Variants in STARD13 observed in about 807,000 individuals in gnomAD.
STARD13 encodes the protein stAR-related lipid transfer protein 13.
In STARD13, 62 loss-of-function variants were observed where a neutral mutation model predicts 106.4. That is an observed-to-expected ratio of 0.58 (90% confidence interval 0.48 to 0.72). The LOEUF is 0.72. Among genes scored for constraint, STARD13 ranks in the 30% least tolerant of loss-of-function variants. The pLI, the probability that STARD13 is intolerant of heterozygous loss-of-function variation, is 0.00. For missense variants in STARD13, 1,387 were observed against 1,424.0 expected (o/e 0.97, Z 0.42); for synonymous variants, 565 against 553.0 (o/e 1.02, Z -0.31).
At chr13:33,186,230 C>A (rs1885756277) in intron 1 of STARD13, among the ~76,000 whole-genome samples, 1 of 152,100 alleles carries the variant, frequency 6.6e-6, no homozygotes, top group African/African-American at 2.4e-5. Flanking sequence ...AAAATAAAGT[C>A]CCAGAGAAAA....
intron 7 of STARD13, among the ~76,000 whole-genome samples, chr13:33,125,459 T>C (rs533923772): frequency 2.4e-4 from 37 of 152,226 alleles, no homozygotes; most frequent in Middle Eastern, 3.4e-3. Flanking sequence ...TCCACCATTA[T>C]GGTGGGCCCC....
At chr13:33,367,452 G>A in the STARD13 span, among the ~76,000 whole-genome samples, 1 of 151,764 alleles carries the variant, frequency 6.6e-6, no homozygotes. Flanking sequence ...CTGCAGTAAG[G>A]AGAAAAAAGA....
intron 1 of STARD13, among the ~76,000 whole-genome samples, chr13:33,188,463 T>C (rs1378648923): frequency 6.6e-6 from 1 of 152,108 alleles, no homozygotes; most frequent in East Asian, 1.9e-4. Flanking sequence ...AAATTTCTGG[T>C]TATGATCTGC....
intron 1 of STARD13, among the ~76,000 whole-genome samples, chr13:33,220,967 T>C (rs1888325090): frequency 6.6e-6 from 1 of 152,184 alleles, no homozygotes; most frequent in Non-Finnish European, 1.5e-5. Flanking sequence ...GAGTTCACAA[T>C]AGTCCTTACA....
intron 3 of STARD13, among the ~76,000 whole-genome samples, chr13:33,145,547 T>C (rs1297432715): frequency 6.6e-6 from 1 of 152,150 alleles, no homozygotes; most frequent in Non-Finnish European, 1.5e-5. Context: ...TTTTTTTTGC[T>C]GTAAAAAGAT....
chr13:33,264,171 C>T (rs571572759), intron 1 of STARD13, among the ~76,000 whole-genome samples: 1 of 152,332 alleles, frequency 6.6e-6, no homozygotes, highest in Admixed American at 6.5e-5. Flanking sequence ...GGAGCCCAGT[C>T]ACTGAGCCAG....
At chr13:33,538,959 C>A in the STARD13 span, among the ~76,000 whole-genome samples, 1 of 151,980 alleles carries the variant, frequency 6.6e-6, no homozygotes, top group African/African-American at 2.4e-5. Context: ...TTAGTAGAGA[C>A]GGGGTTTCAC....
chr13:33,470,915 G>T, the STARD13 span, among the ~76,000 whole-genome samples: 4 of 152,144 alleles, frequency 2.6e-5, no homozygotes, highest in Admixed American at 6.5e-5. Flanking sequence ...GTGTGCAGAA[G>T]CTCTTTAGTT....
intron 1 of STARD13, among the ~76,000 whole-genome samples, chr13:33,214,519 C>T (rs547141280): frequency 4.6e-5 from 7 of 152,270 alleles, no homozygotes; most frequent in Non-Finnish European, 1.0e-4. Flanking sequence ...TACTATAATG[C>T]TCCCAGTAAT....
the STARD13 span, among the ~76,000 whole-genome samples, chr13:33,584,171 G>A: frequency 6.6e-6 from 1 of 152,116 alleles, no homozygotes; most frequent in African/African-American, 2.4e-5. Flanking sequence ...GTAGCCCTCT[G>A]TATTAGTTCA....
At chr13:33,583,200 G>T in the STARD13 span, among the ~76,000 whole-genome samples, 1 of 152,212 alleles carries the variant, frequency 6.6e-6, no homozygotes, top group Non-Finnish European at 1.5e-5. Context: ...GTCAATGTTA[G>T]TCACCTTTAC....
At chr13:33,575,539 T>C in the STARD13 span, among the ~76,000 whole-genome samples, 2 of 152,170 alleles carry the variant, frequency 1.3e-5, no homozygotes, top group Non-Finnish European at 2.9e-5. Flanking sequence ...GGGAGGTGTT[T>C]AGGTTGTATG....
At chr13:33,172,902 T>A (rs1884131979) in intron 1 of STARD13, among the ~76,000 whole-genome samples, 1 of 152,222 alleles carries the variant, frequency 6.6e-6, no homozygotes, top group Non-Finnish European at 1.5e-5. Context: ...ATGGACAAAC[T>A]GGCTCCAATT....
intron 1 of STARD13, among the ~76,000 whole-genome samples, chr13:33,197,583 T>G (rs1282799920): frequency 6.6e-6 from 1 of 152,200 alleles, no homozygotes; most frequent in African/African-American, 2.4e-5. Flanking sequence ...ATATTCTCTT[T>G]CCTCTCCGTC....
At chr13:33,563,949 T>A in the STARD13 span, among the ~76,000 whole-genome samples, 2 of 147,138 alleles carry the variant, frequency 1.4e-5, 1 homozygote, top group African/African-American at 5.1e-5. Context: ...CCCGGCACTT[T>A]GGGAGGCCGA....
intron 1 of STARD13, among the ~76,000 whole-genome samples, chr13:33,216,418 C>T (rs2138157259): frequency 6.6e-6 from 1 of 152,272 alleles, no homozygotes; most frequent in East Asian, 1.9e-4. Context: ...TCACAGCAAC[C>T]TGGGTGGGAT....
chr13:33,214,077 G>C (rs891756860), intron 1 of STARD13, among the ~76,000 whole-genome samples: 1 of 152,046 alleles, frequency 6.6e-6, no homozygotes, highest in Non-Finnish European at 1.5e-5. Flanking sequence ...TTTCATTCGG[G>C]GTTCGCATCA....
chr13:33,615,477 A>G, the STARD13 span, among the ~76,000 whole-genome samples: 1 of 152,170 alleles, frequency 6.6e-6, no homozygotes, highest in Non-Finnish European at 1.5e-5. Context: ...CATAAAAAGT[A>G]TTTTCCATTG....
chr13:33,308,377 T>TA (rs1326115844), intron 1 of STARD13, among the ~76,000 whole-genome samples: 3 of 152,142 alleles, frequency 2.0e-5, no homozygotes, highest in Non-Finnish European at 4.4e-5. Context: ...TATATATATA[T>TA]TTTTTAAGTG....
Sources: allele counts gnomAD v4.1 joint callset (sites outside exome capture counted in the v4.1 genomes callset), GRCh38; gene constraint gnomAD v4.1.1; transcripts MANE v1.5; gene names NCBI Gene and HGNC (gene_info 2026-07-23, HGNC 2026-07-21).